HYCC2: variants seen among roughly 807,000 people sequenced by gnomAD.
HYCC2 encodes the protein hyccin 2.
At chr2:201,009,272 G>A in the HYCC2 span, 33 of 412,650 alleles carry the variant, frequency 8.0e-5, no homozygotes, top group African/African-American at 3.8e-4. Context: ...AGCTTCTTTT[G>A]GAAATTGCCT....
chr2:200,997,395 T>C, the HYCC2 span: 1 of 1,308,454 alleles, frequency 7.6e-7, no homozygotes, highest in African/African-American at 1.5e-5. Context: ...ATGTGCTCAA[T>C]AAATATCTAT....
At chr2:200,996,461 C>A in the HYCC2 span, 1 of 150,976 alleles carries the variant, frequency 6.6e-6, no homozygotes, top group Non-Finnish European at 1.5e-5. Context: ...AACCTGGTCT[C>A]TTTTAAAAAA....
At chr2:201,020,042 C>T in the HYCC2 span, among the ~76,000 whole-genome samples, 1 of 151,996 alleles carries the variant, frequency 6.6e-6, no homozygotes, top group Non-Finnish European at 1.5e-5. Context: ...TATAATGGTG[C>T]CACTGTACTC....
the HYCC2 span, among the ~76,000 whole-genome samples, chr2:201,014,328 A>ATG: frequency 6.6e-6 from 1 of 151,844 alleles, no homozygotes; most frequent in Non-Finnish European, 1.5e-5. Flanking sequence ...ACAGTGATAT[A>ATG]TAACAAATTT....
At chr2:201,049,832 T>C in the HYCC2 span, among the ~76,000 whole-genome samples, 1 of 152,002 alleles carries the variant, frequency 6.6e-6, no homozygotes, top group Non-Finnish European at 1.5e-5. Flanking sequence ...ACCAACTACC[T>C]GGAAAATTAA....
At chr2:201,055,939 A>C in the HYCC2 span, among the ~76,000 whole-genome samples, 1 of 152,214 alleles carries the variant, frequency 6.6e-6, no homozygotes, top group African/African-American at 2.4e-5. Context: ...CTGTAATCCC[A>C]GCACTTTGGG....
At chr2:201,021,789 A>G in the HYCC2 span, 1 of 293,874 alleles carries the variant, frequency 3.4e-6, no homozygotes, top group Non-Finnish European at 6.8e-6. Context: ...CATTATTCAA[A>G]CAAAGAATTC....
the HYCC2 span, among the ~76,000 whole-genome samples, chr2:201,042,510 G>A: frequency 2.6e-5 from 4 of 150,950 alleles, no homozygotes; most frequent in South Asian, 2.1e-4. Context: ...TGGGAACTGA[G>A]GAGTGTCTCT....
the HYCC2 span, among the ~76,000 whole-genome samples, chr2:201,008,577 A>G: frequency 1.6e-4 from 25 of 152,268 alleles, no homozygotes; most frequent in African/African-American, 4.6e-4. Flanking sequence ...CCTAGGCAAC[A>G]TAACTAGACT....
the HYCC2 span, among the ~76,000 whole-genome samples, chr2:201,046,122 G>T: frequency 6.6e-6 from 1 of 152,096 alleles, no homozygotes; most frequent in East Asian, 1.9e-4. Flanking sequence ...TTTTAGAAAA[G>T]AACACAAAAA....
At chr2:201,019,414 C>A in the HYCC2 span, among the ~76,000 whole-genome samples, 1 of 152,192 alleles carries the variant, frequency 6.6e-6, no homozygotes, top group African/African-American at 2.4e-5. Context: ...TAGATGTTGG[C>A]AATCCAGTAA....
the HYCC2 span, among the ~76,000 whole-genome samples, chr2:201,024,414 C>T: frequency 8.5e-5 from 13 of 152,180 alleles, no homozygotes; most frequent in East Asian, 2.1e-3. Context: ...ACTTGACCAC[C>T]GGAGATAGAG....
At chr2:201,016,305 T>G in the HYCC2 span, among the ~76,000 whole-genome samples, 4 of 152,224 alleles carry the variant, frequency 2.6e-5, no homozygotes, top group Non-Finnish European at 5.9e-5. Flanking sequence ...TTTTCTTTTT[T>G]TGAGACAGGG....
chr2:200,979,264 TACAC>T, the HYCC2 span: 6,657 of 144,148 alleles, frequency 0.046, 157 homozygotes, highest in Middle Eastern at 0.057. Flanking sequence ...ATACACACCA[TACAC>T]ACACACACAC....
the HYCC2 span, among the ~76,000 whole-genome samples, chr2:201,060,675 C>T: frequency 2.0e-5 from 3 of 152,146 alleles, no homozygotes; most frequent in Admixed American, 2.0e-4. Flanking sequence ...CTACTTTAAG[C>T]AATGGTTATT....
chr2:201,027,486 C>G, the HYCC2 span, among the ~76,000 whole-genome samples: 1 of 152,126 alleles, frequency 6.6e-6, no homozygotes, highest in East Asian at 1.9e-4. Context: ...CATCCTGATA[C>G]CAAAGCCTGG....
At chr2:201,024,458 T>C in the HYCC2 span, among the ~76,000 whole-genome samples, 2 of 151,898 alleles carry the variant, frequency 1.3e-5, no homozygotes, top group African/African-American at 4.8e-5. Flanking sequence ...CACTGCATTC[T>C]GGCCTGGGCG....
chr2:201,001,999 T>C, the HYCC2 span, among the ~76,000 whole-genome samples: 2 of 152,070 alleles, frequency 1.3e-5, no homozygotes, highest in Non-Finnish European at 2.9e-5. Flanking sequence ...TTATGGTATG[T>C]GAATTATATC....
At chr2:201,067,029 A>C in the HYCC2 span, 36 of 350,140 alleles carry the variant, frequency 1.0e-4, no homozygotes, top group Non-Finnish European at 1.7e-4. Context: ...GTGGATGTTA[A>C]AGCCAACAAG....
Sources: allele counts gnomAD v4.1 joint callset (sites outside exome capture counted in the v4.1 genomes callset), GRCh38; gene constraint gnomAD v4.1.1; transcripts MANE v1.5; gene names NCBI Gene and HGNC (gene_info 2026-07-23, HGNC 2026-07-21).